Variants in DYNC2H1 observed in about 807,000 individuals in gnomAD.
DYNC2H1 encodes cytoplasmic dynein 2 heavy chain 1.
Under a neutral mutation model 570.0 loss-of-function variants are expected in DYNC2H1, and 410 were observed. That is an observed-to-expected ratio of 0.72 (90% CI 0.66 to 0.78). The LOEUF is 0.78. Among genes scored for constraint, DYNC2H1 ranks in the 30% least tolerant of loss-of-function variants. DYNC2H1 has a pLI of 0.00. For missense variants in DYNC2H1, 4,865 were observed against 5,046.4 expected (o/e 0.96, Z 1.09); for synonymous variants, 1,688 against 1,677.6 (o/e 1.01, Z -0.15).
At chr11:103,291,836 C>T (rs934787649) in intron 75 of DYNC2H1, among the ~76,000 whole-genome samples, 1 of 152,058 alleles carries the variant, frequency 6.6e-6, no homozygotes, top group African/African-American at 2.4e-5. Flanking sequence ...TACTTTTTGT[C>T]TTGAAATCTC....
At chr11:103,308,101 A>G (rs1253368394) in intron 78 of DYNC2H1, among the ~76,000 whole-genome samples, 1 of 146,378 alleles carries the variant, frequency 6.8e-6, no homozygotes, top group African/African-American at 2.5e-5. Flanking sequence ...GTAGTGCAAT[A>G]TGCACCTTGT....
At position 103,151,287 on chromosome 11, in the gene DYNC2H1, G is replaced by A. The variant is rs1860524130; in HGVS notation, c.2947-849G>A. Among the ~76,000 whole-genome samples the A allele has an allele frequency of 6.6e-6, 1 of 151,958 alleles. No homozygotes were observed. Among genetic ancestry groups the A allele is most frequent in the African/African-American group, 2.4e-5 (1 of 41,368 alleles). The stretch of plus-strand genomic sequence containing the variant: ...TTAATTTTTAAAATATATTTTTTTA[G>A]AGATGCGTTCTCACTATGTTGCTTA... On this transcript the variant is annotated intron_variant, in intron 20 of 88. Transcript: ENST00000375735. The surrounding 1 kb of genome is among the most constrained non-coding windows in gnomAD (Gnocchi z 4.6).
intron 85 of DYNC2H1, 171 bp from the exon 86 acceptor site, chr11:103,455,015 A>C: frequency 1.9e-6 from 1 of 517,612 alleles, no homozygotes; most frequent in Non-Finnish European, 3.4e-6. Flanking sequence ...TATTATGCCA[A>C]ATTGCAATGC....
At position 103,163,271 on chromosome 11, in the gene DYNC2H1, A is replaced by T; in HGVS notation, c.4611+124A>T. On this transcript the variant is annotated intron_variant, in intron 30 of 88. Coordinates refer to ENST00000375735, the MANE Select transcript of DYNC2H1 (RefSeq NM_001377.3). The surrounding 1 kb of genome is among the most constrained non-coding windows in gnomAD (Gnocchi z 4.6). ...CCTTTATCTAACAGTTAACGGACAA[A>T]TTGCTTAACTTCTGAGTCTCAGTTC... is the stretch of plus-strand genomic sequence containing the variant. 2.5e-6 allele frequency: 3 copies of T among 1,188,352 alleles called. No homozygotes were observed. The highest frequency in any genetic ancestry group is 3.4e-6 in the Non-Finnish European group (3 of 887,034). The allele number at this position is 1,188,352 out of a possible 1,614,324, so 73.6% of individuals were successfully genotyped here.
intron 84 of DYNC2H1, among the ~76,000 whole-genome samples, chr11:103,427,754 G>A (rs984807294): frequency 6.6e-6 from 1 of 152,062 alleles, no homozygotes; most frequent in Non-Finnish European, 1.5e-5. Flanking sequence ...ATTCTCATGA[G>A]CTTATTACTT....
chr11:103,136,342 A>G (rs1234084252), intron 17 of DYNC2H1, among the ~76,000 whole-genome samples: 1 of 151,866 alleles, frequency 6.6e-6, no homozygotes, highest in Non-Finnish European at 1.5e-5. Flanking sequence ...GTCATTTACC[A>G]TTAGGTATAT....
At chr11:103,257,052 A>T (rs796516077) in intron 68 of DYNC2H1, among the ~76,000 whole-genome samples, 2 of 152,174 alleles carry the variant, frequency 1.3e-5, no homozygotes, top group Admixed American at 6.5e-5. Context: ...CCCAAAATTC[A>T]TATGTGGAAA....
In DYNC2H1 at chr11:103,109,545, T is replaced by C. The variant is rs1437448580; in HGVS notation, c.-30T>C. 1.9e-6 allele frequency: 3 copies of C among 1,603,232 alleles called. No homozygotes were observed. Among genetic ancestry groups the C allele is most frequent in the South Asian group, 1.1e-5 (1 of 89,730 alleles). On this transcript the variant is annotated 5_prime_UTR_variant, in exon 1 of 89. Coordinates refer to ENST00000375735, the MANE Select transcript of DYNC2H1 (RefSeq NM_001377.3). ...GACTGGTTTCTTCTTCCTTCCCCCTTCCCCCAACTTCCCTCCACCCCTTCC... is the reference window on the plus strand; with the variant it reads ...GACTGGTTTCTTCTTCCTTCCCCCTCCCCCCAACTTCCCTCCACCCCTTCC...
intron 1 of DYNC2H1, among the ~76,000 whole-genome samples, chr11:103,111,505 C>A (rs1858110944): frequency 6.6e-6 from 1 of 152,178 alleles, no homozygotes; most frequent in Non-Finnish European, 1.5e-5. Flanking sequence ...GAGCCCCCTG[C>A]TTTCTGCCTT....
chr11:103,241,692 C>G lies in DYNC2H1; in HGVS notation c.9820-2001C>G. The G allele has an allele frequency of 1.6e-6, 1 of 644,216 alleles. No homozygotes were observed. Among genetic ancestry groups the G allele is most frequent in the Non-Finnish European group, 2.7e-6 (1 of 373,914 alleles). The allele number at this position is 644,216 out of a possible 1,614,324, so 39.9% of individuals were successfully genotyped here. The stretch of plus-strand genomic sequence containing the variant: ...ATGGTAACACTTCACAGGCTATTTA[C>G]TAACCACATCATTGTGCTTCGAGTA... On this transcript the variant is annotated intron_variant, in intron 63 of 88. Transcript: ENST00000375735. This position sits in a 1 kb window ranked among gnomAD's most constrained non-coding sequence, Gnocchi z 5.1.
At chr11:103,377,404 C>A (rs1941437066) in intron 83 of DYNC2H1, among the ~76,000 whole-genome samples, 1 of 151,900 alleles carries the variant, frequency 6.6e-6, no homozygotes, top group African/African-American at 2.4e-5. Flanking sequence ...GTTTTTGAAG[C>A]ACTCAATTGT....
intron 80 of DYNC2H1, among the ~76,000 whole-genome samples, chr11:103,317,573 T>C (rs2408587): frequency 0.17 from 25,292 of 152,110 alleles, 2,288 homozygotes; most frequent in Admixed American, 0.26. Flanking sequence ...AACCAAAGCA[T>C]ATAATTTTCC....
At chr11:103,420,568 A>G (rs1000860736) in intron 84 of DYNC2H1, among the ~76,000 whole-genome samples, 2 of 152,206 alleles carry the variant, frequency 1.3e-5, no homozygotes, top group Admixed American at 6.5e-5. Context: ...ATTGGGGGCC[A>G]ATATTCAACA....
chr11:103,334,459 T>C lies in DYNC2H1; in HGVS notation c.12039+10469T>C, dbSNP rs1030923089. Among the ~76,000 whole-genome samples the C allele has an allele frequency of 4.6e-5, 7 of 152,132 alleles. No individual in the cohort carries two copies. The highest frequency in any genetic ancestry group is 1.7e-4 in the African/African-American group (7 of 41,442). On this transcript the variant is annotated intron_variant, in intron 82 of 88. Coordinates refer to ENST00000375735, the MANE Select transcript of DYNC2H1 (RefSeq NM_001377.3). The surrounding 1 kb of genome is among the most constrained non-coding windows in gnomAD (Gnocchi z 4.3). Reference sequence around the variant, plus strand: ...CAAATTATAAATATCAAATGTAAAATTTGGTTTCATTCTAACAATTCCATG... The same window carrying C: ...CAAATTATAAATATCAAATGTAAAACTTGGTTTCATTCTAACAATTCCATG...
In DYNC2H1 at chr11:103,181,654, C is replaced by T; in HGVS notation, c.6348-103C>T. The T allele has an allele frequency of 7.9e-7, 1 of 1,272,060 alleles. No homozygotes were observed. Among genetic ancestry groups the T allele is most frequent in the South Asian group, 1.5e-5 (1 of 68,562 alleles). 78.8% of individuals were successfully genotyped at this position (1,272,060 alleles called of 1,614,324 possible). On this transcript the variant is annotated intron_variant, in intron 39 of 88. Transcript: ENST00000375735. The surrounding 1 kb of genome is among the most constrained non-coding windows in gnomAD (Gnocchi z 5.0). ...AAGCCACCTTTTGTATGCTAGCAGA[C>T]AAAATATGTGCGTAGAATAATGTTT...
At chr11:103,431,282 ATTATAAAT>A (rs2135742169) in intron 84 of DYNC2H1, among the ~76,000 whole-genome samples, 1 of 151,896 alleles carries the variant, frequency 6.6e-6, no homozygotes, top group Non-Finnish European at 1.5e-5. Flanking sequence ...TGTCTCCATG[ATTATAAAT>A]TTAATTCCCA....
At chr11:103,379,943 A>G (rs905068586) in intron 83 of DYNC2H1, among the ~76,000 whole-genome samples, 11 of 152,232 alleles carry the variant, frequency 7.2e-5, no homozygotes, top group Admixed American at 2.0e-4. Context: ...ATGGCACTTG[A>G]ATAAACAGGA....
chr11:103,185,031 C>T lies in DYNC2H1; in HGVS notation c.6613C>T (p.Arg2205Cys), dbSNP rs750689118. The T allele has an allele frequency of 9.9e-6, 16 of 1,608,566 alleles. No homozygotes were observed. The highest frequency in any genetic ancestry group is 3.3e-5 in the South Asian group (3 of 90,560). ...GLGGNLNMKSRLEFTKEVFHW... is the reference protein window; with the variant it reads ...GLGGNLNMKSCLEFTKEVFHW... ...TGGTGGAAATCTGAATATGAAGTCACGTTTGGAATTTACCAAAGAGGTAAT... is the reference window on the plus strand; with the variant it reads ...TGGTGGAAATCTGAATATGAAGTCATGTTTGGAATTTACCAAAGAGGTAAT... The change falls in exon 41 of 89, where the codon CGT becomes TGT. Residue 2205 changes from arginine to cysteine, a missense_variant. Physicochemically the swap from Arg to Cys is radical, Grantham distance 180. Coordinates refer to ENST00000375735, the MANE Select transcript of DYNC2H1 (RefSeq NM_001377.3). This position sits in a 1 kb window ranked among gnomAD's most constrained non-coding sequence, Gnocchi z 4.5.
intron 63 of DYNC2H1, among the ~76,000 whole-genome samples, chr11:103,238,452 C>G (rs1236983438): frequency 6.6e-6 from 1 of 152,048 alleles, no homozygotes; most frequent in African/African-American, 2.4e-5. Flanking sequence ...ACCTGTAACT[C>G]CAGCTACTCA....
Sources: gnomAD v4.1 joint callset for allele counts (sites outside exome capture counted in the v4.1 genomes callset) on GRCh38, gnomAD v4.1.1 for gene constraint, Gnocchi (gnomAD v3.1) non-coding constraint, MANE v1.5 for transcripts, NCBI Gene and HGNC (gene_info 2026-07-23, HGNC 2026-07-21) for gene names.